The following RNF220 variants were observed in gnomAD, a reference collection of about 807,000 sequenced individuals.
RNF220 encodes the protein E3 ubiquitin-protein ligase RNF220.
RNF220 carries 7 observed loss-of-function variants against 67.1 expected under a neutral mutation model. The ratio of observed to expected loss-of-function variants is 0.10; its 90% CI spans 0.06 to 0.20. RNF220 has a LOEUF of 0.20. Among genes scored for constraint, RNF220 ranks in the 10% least tolerant of loss-of-function variants. RNF220 has a pLI of 1.00. For synonymous variants in RNF220, 270 were observed against 283.2 expected (o/e 0.95, Z 0.47); for missense variants, 565 against 740.3 (o/e 0.76, Z 2.75).
intron 2 of RNF220, among the ~76,000 whole-genome samples, chr1:44,566,183 C>A (rs1454566945): frequency 6.6e-6 from 1 of 152,174 alleles, no homozygotes; most frequent in African/African-American, 2.4e-5. Flanking sequence ...TTCACTTGCA[C>A]TTGGTCCTGC....
intron 2 of RNF220, among the ~76,000 whole-genome samples, chr1:44,514,732 T>C (rs1659319470): frequency 6.6e-6 from 1 of 152,206 alleles, no homozygotes; most frequent in Admixed American, 6.5e-5. Context: ...ACAAGACCCA[T>C]AAATGAAACA....
At chr1:44,581,823 T>C (rs1665301497) in intron 2 of RNF220, among the ~76,000 whole-genome samples, 1 of 152,210 alleles carries the variant, frequency 6.6e-6, no homozygotes, top group Admixed American at 6.5e-5. Context: ...AAGCCTGCTC[T>C]TCTTGCTCCA....
intron 5 of RNF220, among the ~76,000 whole-genome samples, chr1:44,629,732 T>G (rs1038216029): frequency 3.1e-4 from 47 of 151,890 alleles, no homozygotes; most frequent in African/African-American, 9.7e-4. Flanking sequence ...GATACTACAG[T>G]AGAAGGAGGA....
intron 2 of RNF220, among the ~76,000 whole-genome samples, chr1:44,561,625 G>A (rs1476112977): frequency 6.6e-6 from 1 of 152,188 alleles, no homozygotes; most frequent in African/African-American, 2.4e-5. Context: ...GTGTTAGTGA[G>A]CTAGCCAGGG....
chr1:44,469,510 A>G (rs1295131934), intron 2 of RNF220, among the ~76,000 whole-genome samples: 1 of 152,238 alleles, frequency 6.6e-6, no homozygotes, highest in Non-Finnish European at 1.5e-5. Flanking sequence ...CTCTTGGGAC[A>G]CAGTCCCAGA....
chr1:44,507,706 A>G (rs1013774790), intron 2 of RNF220, among the ~76,000 whole-genome samples: 1 of 152,174 alleles, frequency 6.6e-6, no homozygotes, highest in Non-Finnish European at 1.5e-5. Context: ...CCGCCAGCAC[A>G]GCAGTTGGTG....
chr1:44,649,857 C>A lies in RNF220; in HGVS notation c.1555-26C>A, dbSNP rs368053898. The A allele has an allele frequency of 6.2e-7, 1 of 1,613,702 alleles. No homozygotes were observed. Among genetic ancestry groups the A allele is most frequent in the Non-Finnish European group, 8.5e-7 (1 of 1,179,778 alleles). On this transcript the variant is annotated intron_variant, in intron 13 of 14. Coordinates refer to ENST00000361799, the MANE Select transcript of RNF220 (RefSeq NM_018150.4). The surrounding 1 kb of genome is among the most constrained non-coding windows in gnomAD (Gnocchi z 5.9). The stretch of plus-strand genomic sequence containing the variant: ...AGAGGGTGGGCCTACCTCAGAGTGA[C>A]CCCTTCTCTGCCCCCTCCTCCCTAG...
At chr1:44,593,959 C>T (rs1410751767) in intron 2 of RNF220, among the ~76,000 whole-genome samples, 1 of 151,830 alleles carries the variant, frequency 6.6e-6, no homozygotes, top group African/African-American at 2.4e-5. Flanking sequence ...GTGGTGGGCA[C>T]CTGTAATCCC....
At chr1:44,445,173 G>A (rs1269916793) in intron 2 of RNF220, among the ~76,000 whole-genome samples, 4 of 152,060 alleles carry the variant, frequency 2.6e-5, no homozygotes, top group Non-Finnish European at 5.9e-5. Flanking sequence ...TGAAGTGCCT[G>A]TTCAATGTTT....
Position 44,412,661 on chromosome 1 carries a change from T to C in RNF220, c.564T>C (p.Ala188=). 1 of 1,614,198 alleles carries C rather than the reference T, an allele frequency of 6.2e-7. No individual in the cohort carries two copies. The change falls in exon 2 of 15, where the codon GCT becomes GCC. Residue 188 remains alanine (A), a synonymous_variant. Coordinates refer to ENST00000361799, the MANE Select transcript of RNF220 (RefSeq NM_018150.4). The surrounding 1 kb of genome is among the most constrained non-coding windows in gnomAD (Gnocchi z 5.3). ...ATGACACTGGGAAGAAGATTTTTGC[T>C]GTCTCTGGCCTCATTTCTGATCGGG... The part of the protein sequence containing the change: ...KVDDTGKKIF[A]VSGLISDREA...
At chr1:44,506,510 A>G (rs1296774319) in intron 2 of RNF220, among the ~76,000 whole-genome samples, 6 of 152,250 alleles carry the variant, frequency 3.9e-5, no homozygotes, top group Non-Finnish European at 8.8e-5. Context: ...TTGGTTTGCC[A>G]GAAGTGGATC....
chr1:44,574,329 T>C (rs896731475), intron 2 of RNF220, among the ~76,000 whole-genome samples: 2 of 152,234 alleles, frequency 1.3e-5, no homozygotes, highest in Non-Finnish European at 2.9e-5. Flanking sequence ...GGCTAACTCT[T>C]ACTTGTCCTT....
At chr1:44,421,723 C>G (rs1342232852) in intron 2 of RNF220, among the ~76,000 whole-genome samples, 1 of 152,002 alleles carries the variant, frequency 6.6e-6, no homozygotes, top group African/African-American at 2.4e-5. Flanking sequence ...CAAATAAACT[C>G]AGTGTTTTTC....
intron 2 of RNF220, among the ~76,000 whole-genome samples, chr1:44,432,132 C>T (rs1430033799): frequency 6.6e-6 from 1 of 152,248 alleles, no homozygotes; most frequent in Middle Eastern, 3.4e-3. Flanking sequence ...GTCATAATAC[C>T]CTGTGTTTCC....
intron 2 of RNF220, among the ~76,000 whole-genome samples, chr1:44,453,917 A>G (rs942422378): frequency 2.0e-5 from 3 of 152,244 alleles, no homozygotes; most frequent in African/African-American, 7.2e-5. Flanking sequence ...AGAAAATTTT[A>G]AAACACAAGA....
At chr1:44,537,319 T>A (rs537476026) in intron 2 of RNF220, among the ~76,000 whole-genome samples, 1 of 152,332 alleles carries the variant, frequency 6.6e-6, no homozygotes, top group Non-Finnish European at 1.5e-5. Context: ...CTGGAAGCCA[T>A]AGTTCCATTC....
intron 2 of RNF220, among the ~76,000 whole-genome samples, chr1:44,461,563 T>C (rs1653762670): frequency 6.6e-6 from 1 of 152,186 alleles, no homozygotes; most frequent in Non-Finnish European, 1.5e-5. Context: ...CATCTGTTTA[T>C]GTGGTTTGCG....
chr1:44,477,695 C>T (rs973056699), intron 2 of RNF220, among the ~76,000 whole-genome samples: 5 of 152,174 alleles, frequency 3.3e-5, no homozygotes, highest in Non-Finnish European at 2.9e-5. Flanking sequence ...CATTCTGCAG[C>T]TTAGGCTGAA....
chr1:44,520,128 T>TGTGTGTAA (rs796131470), intron 2 of RNF220, among the ~76,000 whole-genome samples: 1 of 113,374 alleles, frequency 8.8e-6, no homozygotes, highest in Non-Finnish European at 1.8e-5. Context: ...TGTGTGTGTG[T>TGTGTGTAA]GAGAGAGAGA....
Sources: gnomAD v4.1 joint callset for allele counts (sites outside exome capture counted in the v4.1 genomes callset) on GRCh38, gnomAD v4.1.1 for gene constraint, Gnocchi (gnomAD v3.1) non-coding constraint, MANE v1.5 for transcripts, NCBI Gene and HGNC (gene_info 2026-07-23, HGNC 2026-07-21) for gene names.